ROCK2: variants seen among roughly 807,000 people sequenced by gnomAD.
ROCK2 encodes Rho associated coiled-coil containing protein kinase 2.
A neutral mutation model predicts 195.1 loss-of-function variants in ROCK2; 61 were observed. The ratio of observed to expected loss-of-function variants is 0.31; its 90% CI spans 0.25 to 0.39. The LOEUF is 0.39. ROCK2 is among the 10% of genes least tolerant of loss of function. The probability of loss-of-function intolerance (pLI) is 1.00; values close to 1 mark genes in which losing one functional copy is unlikely to be tolerated. For missense variants in ROCK2, 1,109 were observed against 1,637.4 expected (o/e 0.68, Z 5.57); for synonymous variants, 504 against 545.5 (o/e 0.92, Z 1.06).
chr2:11,291,911 A>G (rs1667373929), intron 1 of ROCK2, among the ~76,000 whole-genome samples: 1 of 152,124 alleles, frequency 6.6e-6, no homozygotes, highest in Non-Finnish European at 1.5e-5. Flanking sequence ...TTTTTTGAGG[A>G]GGGAAATCAA....
intron 1 of ROCK2, 90 bp downstream of exon 1, chr2:11,343,906 C>G: frequency 6.9e-7 from 1 of 1,456,990 alleles, no homozygotes; most frequent in Non-Finnish European, 9.1e-7. Flanking sequence ...CCTCCCCCTC[C>G]CCACGGGCGG....
Position 11,206,205 on chromosome 2 carries a change from T to C in ROCK2, c.2549+1521A>G, listed in dbSNP as rs957524472. Among the ~76,000 whole-genome samples, 3 of 152,206 alleles carry C rather than the reference T, an allele frequency of 2.0e-5. No individual in the cohort carries two copies. In the East Asian group the frequency reaches 5.8e-4, roughly 29 times the overall value. On this transcript the variant is annotated intron_variant, in intron 20 of 32. Transcript: ENST00000315872. ...ATGAACACTTCCTCTATAACCCTAT[T>C]AGGTGGCTAAGATAGAAAACATGGG... is the stretch of plus-strand genomic sequence containing the variant.
chr2:11,286,076 G>A (rs1172800792), intron 3 of ROCK2, among the ~76,000 whole-genome samples: 1 of 150,182 alleles, frequency 6.7e-6, no homozygotes, highest in Non-Finnish European at 1.5e-5. Context: ...ATTAGGAAGA[G>A]TTCCAAAGCC....
At chr2:11,304,764 C>G (rs1452023690) in intron 1 of ROCK2, among the ~76,000 whole-genome samples, 2 of 152,182 alleles carry the variant, frequency 1.3e-5, no homozygotes, top group Non-Finnish European at 2.9e-5. Context: ...TTCTGCCACA[C>G]TGGCCTTCTA....
chr2:11,256,050 A>G (rs1184479843), intron 3 of ROCK2, among the ~76,000 whole-genome samples: 1 of 151,044 alleles, frequency 6.6e-6, no homozygotes, highest in Admixed American at 6.6e-5. Flanking sequence ...AGGGGATTCC[A>G]ATACCATTTT....
At chr2:11,306,489 T>C (rs1184458538) in intron 1 of ROCK2, among the ~76,000 whole-genome samples, 5 of 152,192 alleles carry the variant, frequency 3.3e-5, no homozygotes, top group African/African-American at 7.2e-5. Context: ...TGCAAACTGA[T>C]AGGCAGGAAT....
At chr2:11,213,960 C>T (rs1664336643) in intron 17 of ROCK2, among the ~76,000 whole-genome samples, 1 of 152,272 alleles carries the variant, frequency 6.6e-6, no homozygotes, top group African/African-American at 2.4e-5. Flanking sequence ...AAATAAAATG[C>T]TAACTGCATA....
At position 11,330,767 on chromosome 2, in the gene ROCK2, G is replaced by GGAGGAGGGAGGAA. The variant is rs1558399704; in HGVS notation, c.141+13228_141+13229insTTCCTCCCTCCTC. 4.1e-4 allele frequency among the ~76,000 whole-genome samples: 39 copies of GGAGGAGGGAGGAA among 95,638 alleles called. 3 individuals carry two copies. Among genetic ancestry groups the GGAGGAGGGAGGAA allele is most frequent in the African/African-American group, 1.5e-3 (38 of 25,468 alleles). The allele number at this position is 95,638 out of a possible 152,430, so 62.7% of individuals were successfully genotyped here. A position where few individuals can be genotyped will look rare whatever the true frequency, so the allele number is the denominator to read the frequency against. On this transcript the variant is annotated intron_variant, in intron 1 of 32. Coordinates refer to ENST00000315872, the MANE Select transcript of ROCK2 (RefSeq NM_004850.5). ...GAGGAGGGAGGAGGAGGAGGGAGGA[G>GGAGGAGGGAGGAA]GAGGAGGGAGGGAAGAGGAGGAGAG...
intron 1 of ROCK2, among the ~76,000 whole-genome samples, chr2:11,311,233 A>C (rs942078570): frequency 2.0e-5 from 3 of 152,174 alleles, no homozygotes; most frequent in African/African-American, 7.2e-5. Context: ...AAAGCTTTAA[A>C]GGCCAAACGA....
intron 1 of ROCK2, among the ~76,000 whole-genome samples, chr2:11,311,342 GAAGTGAACCTA>G (rs903452610): frequency 6.6e-6 from 1 of 152,138 alleles, no homozygotes; most frequent in African/African-American, 2.4e-5. Flanking sequence ...GGTGGAGAAA[GAAGTGAACCTA>G]AAGTTGACTA....
chr2:11,256,274 C>G (rs1368494368), intron 3 of ROCK2, among the ~76,000 whole-genome samples: 1 of 151,218 alleles, frequency 6.6e-6, no homozygotes, highest in Non-Finnish European at 1.5e-5. Context: ...GTGACTGGAT[C>G]ACGGGGAGGG....
rs1663868689 is a variant in ROCK2, at chr2:11,201,978, G to A, written c.2619+74C>T. 9.2e-7 allele frequency: 1 copy of A among 1,091,512 alleles called. No individual in the cohort carries two copies. The highest frequency in any genetic ancestry group is 1.5e-5 in the African/African-American group (1 of 64,998). The allele number at this position is 1,091,512 out of a possible 1,614,324, so 67.6% of individuals were successfully genotyped here. A position where few individuals can be genotyped will look rare whatever the true frequency, so the allele number is the denominator to read the frequency against. ...TTGCCCAGCTGCTCTTTTTATATGA[G>A]TTGTATGGTATAAATAAAATATCCC... On this transcript the variant is annotated intron_variant, in intron 21 of 32. Coordinates refer to ENST00000315872, the MANE Select transcript of ROCK2 (RefSeq NM_004850.5). This position sits in a 1 kb window ranked among gnomAD's most constrained non-coding sequence, Gnocchi z 4.6.
Position 11,295,265 on chromosome 2 carries a change from T to C in ROCK2, c.142-7529A>G, listed in dbSNP as rs1025436536. Among the ~76,000 whole-genome samples, 11 of 152,360 alleles carry C rather than the reference T, an allele frequency of 7.2e-5. No individual in the cohort carries two copies. In the East Asian group the frequency reaches 2.1e-3, roughly 29 times the overall value. On this transcript the variant is annotated intron_variant, in intron 1 of 32. Transcript: ENST00000315872. ...TAGAAAAAGTAATGCATCATCTGAC[T>C]GAATCCTATTCTTAATTTAATATTG...
At chr2:11,308,918 C>T (rs1258828472) in intron 1 of ROCK2, 28 of 1,611,956 alleles carry the variant, frequency 1.7e-5, no homozygotes, top group Non-Finnish European at 2.4e-5. Flanking sequence ...TCTTCATCTA[C>T]ATCAAACTTT....
At chr2:11,286,661 ACTTATAATAT>A in intron 2 of ROCK2, 22 bp from the exon 3 acceptor site, 1 of 1,176,572 alleles carries the variant, frequency 8.5e-7, no homozygotes, top group Admixed American at 1.8e-5. Flanking sequence ...AGATCACCAT[ACTTATAATAT>A]CAATCATATT....
At position 11,195,044 on chromosome 2, in the gene ROCK2, T is replaced by C. The variant is rs370642325; in HGVS notation, c.3449-19A>G. The C allele has an allele frequency of 2.8e-6, 4 of 1,451,574 alleles. No homozygotes were observed. The highest frequency in any genetic ancestry group is 2.0e-5 in the Admixed American group (1 of 49,984). The allele number at this position is 1,451,574 out of a possible 1,614,324, so 89.9% of individuals were successfully genotyped here. On this transcript the variant is annotated intron_variant, in intron 27 of 32. Transcript: ENST00000315872. ...CTTGATTCTACAAATAAGCACAACA[T>C]GTGAGGCTAAAGATAACAATTCTCC... is the stretch of plus-strand genomic sequence containing the variant.
intron 3 of ROCK2, among the ~76,000 whole-genome samples, chr2:11,259,754 T>C (rs1039213120): frequency 2.0e-5 from 3 of 151,572 alleles, no homozygotes; most frequent in Non-Finnish European, 4.4e-5. Context: ...AATATACTTT[T>C]CTTGTAAAAA....
intron 1 of ROCK2, among the ~76,000 whole-genome samples, chr2:11,290,058 C>G (rs193263221): frequency 6.6e-6 from 1 of 152,058 alleles, no homozygotes; most frequent in African/African-American, 2.4e-5. Flanking sequence ...GAGGCCTTTA[C>G]GTTTATAATT....
intron 1 of ROCK2, among the ~76,000 whole-genome samples, chr2:11,342,459 T>TA (rs1669136973): frequency 6.6e-6 from 1 of 152,244 alleles, no homozygotes; most frequent in African/African-American, 2.4e-5. Context: ...ATAATTATGA[T>TA]TAATATCATT....
Sources: gnomAD v4.1 joint callset for allele counts (sites outside exome capture counted in the v4.1 genomes callset) on GRCh38, gnomAD v4.1.1 for gene constraint, Gnocchi (gnomAD v3.1) non-coding constraint, MANE v1.5 for transcripts, NCBI Gene and HGNC (gene_info 2026-07-23, HGNC 2026-07-21) for gene names.